TET3: variants seen among roughly 807,000 people sequenced by gnomAD.
The protein encoded by TET3 is tet methylcytosine dioxygenase 3.
A neutral mutation model predicts 141.4 loss-of-function variants in TET3; 19 were observed. The observed-to-expected ratio is 0.13, with a 90% CI of 0.09 to 0.20. TET3 has a LOEUF of 0.20. Among genes scored for constraint, TET3 ranks in the 10% least tolerant of loss-of-function variants. The pLI is 1.00. For synonymous variants in TET3, 1,043 were observed against 980.9 expected (o/e 1.06, Z -1.18); for missense variants, 1,874 against 2,356.9 (o/e 0.80, Z 4.24).
intron 3 of TET3, among the ~76,000 whole-genome samples, chr2:74,009,497 A>T (rs1182536982): frequency 1.3e-5 from 2 of 152,226 alleles, no homozygotes; most frequent in East Asian, 3.8e-4. Flanking sequence ...TGCCTTCACC[A>T]CATGGATCAT....
At position 74,087,882 on chromosome 2, in the gene TET3, G is replaced by A. The variant is rs2104065629; in HGVS notation, c.2732G>A (p.Arg911Gln). Residue 911 changes from arginine (R) to glutamine (Q), a missense_variant, in exon 7 of 12, where the codon CGG becomes CAG. Arg to Gln is a conservative substitution (Grantham distance 43). Transcript: ENST00000409262. This position sits in a 1 kb window ranked among gnomAD's most constrained non-coding sequence, Gnocchi z 4.3. ...EEKLLCLVRH[R>Q]AGHHCQNAVI... ...AAGCTACTCTGCCTGGTGCGGCACCGGGCAGGCCACCACTGCCAGAACGCT... is the reference window on the plus strand; with the variant it reads ...AAGCTACTCTGCCTGGTGCGGCACCAGGCAGGCCACCACTGCCAGAACGCT... The A allele has an allele frequency of 6.4e-7, 1 of 1,551,664 alleles. No individual in the cohort carries two copies. The highest frequency in any genetic ancestry group is 8.7e-7 in the Non-Finnish European group (1 of 1,147,006).
At position 73,987,349 on chromosome 2, in the gene TET3, C is replaced by T. The variant is rs1429455452; in HGVS notation, c.303+643C>T. Among the ~76,000 whole-genome samples, 4 of 152,138 alleles carry T rather than the reference C, an allele frequency of 2.6e-5. No individual in the cohort carries two copies. In the East Asian group the frequency reaches 7.7e-4, roughly 29 times the overall value. On this transcript the variant is annotated intron_variant, in intron 2 of 11. Transcript: ENST00000409262. ...ACTAATTGCATGAATGGATGACATG[C>T]TTTTGAGACACTGTCAACCCCAGGG...
chr2:74,086,756 A>G (rs970072914), intron 6 of TET3, among the ~76,000 whole-genome samples: 1 of 144,882 alleles, frequency 6.9e-6, no homozygotes, highest in Non-Finnish European at 1.5e-5. Context: ...ATGCCACTGT[A>G]CTCCAGCCTG....
chr2:74,126,896 T>C, the TET3 span, among the ~76,000 whole-genome samples: 29 of 152,300 alleles, frequency 1.9e-4, no homozygotes, highest in African/African-American at 6.3e-4. Context: ...TTTGCCATCT[T>C]TATAGAAATC....
chr2:74,000,309 A>G (rs1684782886), intron 2 of TET3, among the ~76,000 whole-genome samples: 1 of 152,204 alleles, frequency 6.6e-6, no homozygotes, highest in Non-Finnish European at 1.5e-5. Flanking sequence ...AGCTCTGTGC[A>G]GAGCCTAGGA....
intron 4 of TET3, among the ~76,000 whole-genome samples, chr2:74,073,344 G>A (rs188099470): frequency 3.9e-5 from 6 of 152,234 alleles, no homozygotes; most frequent in South Asian, 2.1e-4. Flanking sequence ...TGCCAATTTG[G>A]TCCATATGTG....
the TET3 span, among the ~76,000 whole-genome samples, chr2:74,124,178 GC>G: frequency 6.7e-6 from 1 of 149,850 alleles, no homozygotes; most frequent in African/African-American, 2.5e-5. Context: ...GTGGGGGGCA[GC>G]CCCCGCCCGG....
At chr2:73,992,506 G>T (rs906207375) in intron 2 of TET3, among the ~76,000 whole-genome samples, 19 of 151,888 alleles carry the variant, frequency 1.3e-4, no homozygotes, top group African/African-American at 4.6e-4. Flanking sequence ...TAGAGAAGGG[G>T]GTTCACCATG....
At chr2:74,064,952 AC>A (rs1367921646) in intron 4 of TET3, among the ~76,000 whole-genome samples, 1 of 152,242 alleles carries the variant, frequency 6.6e-6, no homozygotes, top group Non-Finnish European at 1.5e-5. Flanking sequence ...GTTTTCAACC[AC>A]ACTGGGAGTT....
the TET3 span, among the ~76,000 whole-genome samples, chr2:74,123,552 G>A: frequency 1.3e-5 from 2 of 152,236 alleles, no homozygotes; most frequent in Non-Finnish European, 2.9e-5. Flanking sequence ...TAACCCCAGA[G>A]AGGAGTGGGA....
At position 73,986,075 on chromosome 2, in the gene TET3, A is replaced by G. The variant is rs1452095038; in HGVS notation, c.-329A>G. 4.0e-5 allele frequency: 9 copies of G among 224,920 alleles called. No homozygotes were observed. The highest frequency in any genetic ancestry group is 5.8e-5 in the Admixed American group (1 of 17,296). 13.9% of individuals were successfully genotyped at this position (224,920 alleles called of 1,614,324 possible). ...CCCCCACCACACCCCTACCTGCTCA[A>G]CTCATGCCTGGGTCCAGGGTGGGTG... On this transcript the variant is annotated 5_prime_UTR_variant, in exon 2 of 12. Coordinates refer to ENST00000409262, the MANE Select transcript of TET3 (RefSeq NM_001287491.2).
At chr2:74,126,501 T>C in the TET3 span, among the ~76,000 whole-genome samples, 21 of 33,984 alleles carry the variant, frequency 6.2e-4, no homozygotes, top group Admixed American at 3.1e-3. Context: ...ATTTGCTGGA[T>C]TTTTTTTTTT....
Position 74,048,296 on chromosome 2 carries a change from C to G in TET3, c.2379C>G (p.Pro793=). 6.2e-7 allele frequency: 1 copy of G among 1,613,962 alleles called. No individual in the cohort carries two copies. Among genetic ancestry groups the G allele is most frequent in the South Asian group, 1.1e-5 (1 of 91,072 alleles). ...CCAAGGCTGAGAACCCACTCACACC[C>G]ACCCTCAGTGGCTTCTTGGAGTCAC... ...TPTKAENPLT[P]TLSGFLESPL... The change falls in exon 4 of 12, where the codon CCC becomes CCG. Residue 793 remains proline (P), a synonymous_variant. Coordinates refer to ENST00000409262, the MANE Select transcript of TET3 (RefSeq NM_001287491.2).
intron 3 of TET3, among the ~76,000 whole-genome samples, chr2:74,024,776 A>G (rs1686240785): frequency 6.6e-6 from 1 of 152,182 alleles, no homozygotes; most frequent in Non-Finnish European, 1.5e-5. Context: ...TTTAAAAAAT[A>G]TTTTTTATTT....
In TET3 at chr2:74,102,305, C is replaced by T. The variant is rs887055610; in HGVS notation, c.*129C>T. On this transcript the variant is annotated 3_prime_UTR_variant, in exon 12 of 12. Transcript: ENST00000409262. Reference sequence around the variant, plus strand: ...TTATCTCTATATACATATATAGATGCGCATATCATATATATGTATTTATGG... The same window carrying T: ...TTATCTCTATATACATATATAGATGTGCATATCATATATATGTATTTATGG... 2.3e-5 allele frequency: 28 copies of T among 1,209,392 alleles called. No individual in the cohort carries two copies. The highest frequency in any genetic ancestry group is 3.1e-4 in the Middle Eastern group (1 of 3,262). The allele number at this position is 1,209,392 out of a possible 1,614,324, so 74.9% of individuals were successfully genotyped here.
At chr2:74,069,373 T>A (rs1490825166) in intron 4 of TET3, among the ~76,000 whole-genome samples, 1 of 149,278 alleles carries the variant, frequency 6.7e-6, no homozygotes, top group East Asian at 1.9e-4. Context: ...CTATCTTGTA[T>A]GCCCCATAAA....
chr2:74,120,444 T>A, the TET3 span, among the ~76,000 whole-genome samples: 1 of 152,156 alleles, frequency 6.6e-6, no homozygotes, highest in Non-Finnish European at 1.5e-5. Flanking sequence ...TCCACACACC[T>A]ACCCGGGGGG....
chr2:74,025,323 CTGT>C (rs1457401251), intron 3 of TET3, among the ~76,000 whole-genome samples: 2 of 147,968 alleles, frequency 1.4e-5, no homozygotes, highest in Admixed American at 1.4e-4. Context: ...GAGTCTCGCT[CTGT>C]TGCCCAGGCT....
intron 4 of TET3, among the ~76,000 whole-genome samples, chr2:74,069,902 A>C (rs1025378280): frequency 6.6e-6 from 1 of 152,104 alleles, no homozygotes; most frequent in Admixed American, 6.6e-5. Context: ...CCCGACCTGT[A>C]TGCCTTTCTA....
Sources: gnomAD v4.1 joint callset for allele counts (sites outside exome capture counted in the v4.1 genomes callset) on GRCh38, gnomAD v4.1.1 for gene constraint, Gnocchi (gnomAD v3.1) non-coding constraint, MANE v1.5 for transcripts, NCBI Gene and HGNC (gene_info 2026-07-23, HGNC 2026-07-21) for gene names.